The following KCNIP4 variants were observed in gnomAD, a reference collection of about 807,000 sequenced individuals.
KCNIP4 encodes potassium voltage-gated channel interacting protein 4, also known as Kv channel-interacting protein 4.
A neutral mutation model predicts 34.0 loss-of-function variants in KCNIP4; 12 were observed. That is an observed-to-expected ratio of 0.35 (90% CI 0.23 to 0.57). The LOEUF is 0.57. KCNIP4 is among the 20% of genes least tolerant of loss of function. The pLI, the probability that KCNIP4 is intolerant of heterozygous loss-of-function variation, is 0.83. For missense variants in KCNIP4, 238 were observed against 311.7 expected, an observed-to-expected ratio of 0.76 and a Z score of 1.78; for synonymous variants, 124 against 102.2, an observed-to-expected ratio of 1.21 and a Z score of -1.29.
At chr4:20,889,361 G>A (rs2149533751) in intron 1 of KCNIP4, among the ~76,000 whole-genome samples, 1 of 152,138 alleles carries the variant, frequency 6.6e-6, no homozygotes, top group Non-Finnish European at 1.5e-5. Context: ...ATTTCTTTGA[G>A]CAGTCTAATG....
rs143705216 is a variant in KCNIP4, at chr4:20,846,491, T to C, written c.288+4052A>G. On this transcript the variant is annotated intron_variant, in intron 3 of 8. Coordinates refer to ENST00000382152, the MANE Select transcript of KCNIP4 (RefSeq NM_025221.6). ...TGATATTTGTGTGACCTTTTGACCA[T>C]TGGTTCTCAAATGAGGCTTTCTGTT... 7.2e-4 allele frequency among the ~76,000 whole-genome samples: 110 copies of C among 152,322 alleles called. 1 individual carries two copies. Among genetic ancestry groups the C allele is most frequent in the African/African-American group, 2.4e-3 (98 of 41,580 alleles).
At chr4:21,790,304 C>A (rs1402157235) in intron 1 of KCNIP4, among the ~76,000 whole-genome samples, 1 of 152,150 alleles carries the variant, frequency 6.6e-6, no homozygotes, top group Non-Finnish European at 1.5e-5. Flanking sequence ...TTCGAAATTA[C>A]TTACGATTAA....
At chr4:21,625,776 G>C (rs927271666) in intron 1 of KCNIP4, among the ~76,000 whole-genome samples, 1 of 152,154 alleles carries the variant, frequency 6.6e-6, no homozygotes, top group African/African-American at 2.4e-5. Context: ...AATGGGAATA[G>C]TCAATACCTG....
At chr4:21,230,372 CAT>C (rs1303129381) in intron 1 of KCNIP4, among the ~76,000 whole-genome samples, 2 of 152,116 alleles carry the variant, frequency 1.3e-5, no homozygotes, top group Non-Finnish European at 1.5e-5. Flanking sequence ...TTCCAGGAAA[CAT>C]GTGCAGGATG....
chr4:21,754,964 T>C (rs1037982821), intron 1 of KCNIP4, among the ~76,000 whole-genome samples: 3 of 151,974 alleles, frequency 2.0e-5, no homozygotes, highest in African/African-American at 4.8e-5. Flanking sequence ...CTGGCCAACA[T>C]GGAGAAACCC....
At chr4:21,762,930 T>G (rs1027757972) in intron 1 of KCNIP4, 8 of 1,288,538 alleles carry the variant, frequency 6.2e-6, no homozygotes, top group African/African-American at 1.5e-5. Flanking sequence ...CATGATGATC[T>G]GACAGGTGCT....
At chr4:21,709,986 T>A (rs1713594272) in intron 1 of KCNIP4, among the ~76,000 whole-genome samples, 1 of 152,174 alleles carries the variant, frequency 6.6e-6, no homozygotes, top group Admixed American at 6.5e-5. Flanking sequence ...CACATGCAAC[T>A]TTTAGATTAA....
intron 1 of KCNIP4, among the ~76,000 whole-genome samples, chr4:21,333,033 C>T (rs1344431921): frequency 2.0e-5 from 3 of 152,056 alleles, no homozygotes; most frequent in Non-Finnish European, 4.4e-5. Flanking sequence ...AATGCTGTTT[C>T]CCTGAAGTCC....
At chr4:21,760,860 T>A (rs16871860) in intron 1 of KCNIP4, among the ~76,000 whole-genome samples, 6,154 of 152,208 alleles carry the variant, frequency 0.04, 146 homozygotes, top group East Asian at 0.071. Context: ...AAGACCAGCA[T>A]GGAATGACCA....
At chr4:21,199,732 A>ACATGCACACATTTGTTTATTGCAG (rs1553953099) in intron 1 of KCNIP4, among the ~76,000 whole-genome samples, 1 of 151,116 alleles carries the variant, frequency 6.6e-6, no homozygotes. Context: ...CTATAAAGAT[A>ACATGCACACATTTGTTTATTGCAG]CATGCACACA....
At chr4:20,857,617 G>C (rs893706611) in intron 2 of KCNIP4, among the ~76,000 whole-genome samples, 1 of 140,238 alleles carries the variant, frequency 7.1e-6, no homozygotes, top group Admixed American at 6.9e-5. Flanking sequence ...ATATGCATAG[G>C]GACAAGATTT....
At chr4:21,727,584 T>C (rs1273738546) in intron 1 of KCNIP4, among the ~76,000 whole-genome samples, 1 of 152,134 alleles carries the variant, frequency 6.6e-6, no homozygotes, top group Admixed American at 6.6e-5. Flanking sequence ...ATCCTAGCAC[T>C]GTGGGAGGCC....
intron 1 of KCNIP4, among the ~76,000 whole-genome samples, chr4:21,478,826 CTAG>C (rs1315154007): frequency 6.6e-6 from 1 of 152,116 alleles, no homozygotes; most frequent in Non-Finnish European, 1.5e-5. Context: ...GAGCATTTTA[CTAG>C]TATGTTCTTT....
intron 1 of KCNIP4, among the ~76,000 whole-genome samples, chr4:21,719,269 T>C (rs1577898349): frequency 6.6e-6 from 1 of 152,122 alleles, no homozygotes; most frequent in Non-Finnish European, 1.5e-5. Flanking sequence ...AACTCTGAAA[T>C]GAACTCGTTT....
chr4:21,198,485 T>TG (rs1756222678), intron 1 of KCNIP4, among the ~76,000 whole-genome samples: 2 of 152,290 alleles, frequency 1.3e-5, no homozygotes, highest in South Asian at 4.1e-4. Flanking sequence ...CTTTATAGAC[T>TG]TTTTGTCTTC....
At chr4:21,905,233 G>T (rs184269190) in intron 1 of KCNIP4, among the ~76,000 whole-genome samples, 9 of 152,000 alleles carry the variant, frequency 5.9e-5, no homozygotes, top group African/African-American at 2.2e-4. Context: ...GGACCATTCT[G>T]TCTTTCCTAG....
intron 1 of KCNIP4, among the ~76,000 whole-genome samples, chr4:21,149,612 T>C (rs914690825): frequency 6.6e-6 from 1 of 151,938 alleles, no homozygotes; most frequent in African/African-American, 2.4e-5. Context: ...AGAAAAAAAA[T>C]TTAGAATGTT....
chr4:21,643,831 T>A (rs1235044331), intron 1 of KCNIP4, among the ~76,000 whole-genome samples: 3 of 148,250 alleles, frequency 2.0e-5, no homozygotes, highest in Admixed American at 6.7e-5. Flanking sequence ...TTGAAATAAA[T>A]CTCTAGACTG....
rs527338749 is a variant in KCNIP4 at position 21,389,003 on chromosome 4, G to A, written c.62-506294C>T. Among the ~76,000 whole-genome samples, 26 of 144,556 alleles carry A rather than the reference G, an allele frequency of 1.8e-4. No homozygotes were observed. The East Asian group carries it at 5.1e-3, about 28-fold the overall frequency. 94.8% of individuals were successfully genotyped at this position (144,556 alleles called of 152,430 possible). A position where few individuals can be genotyped will look rare whatever the true frequency, so the allele number is the denominator to read the frequency against. ...ATTGTCTTGTTTTTTTTTTTTCTTTGAGACAGAATCTCACTCTGTTACACC... is the reference window on the plus strand; with the variant it reads ...ATTGTCTTGTTTTTTTTTTTTCTTTAAGACAGAATCTCACTCTGTTACACC... On this transcript the variant is annotated intron_variant, in intron 1 of 8. Transcript: ENST00000382152.
Sources: gnomAD v4.1 joint callset for allele counts (sites outside exome capture counted in the v4.1 genomes callset) on GRCh38, gnomAD v4.1.1 for gene constraint, MANE v1.5 for transcripts, NCBI Gene and HGNC (gene_info 2026-07-23, HGNC 2026-07-21) for gene names.